The following PARD3 variants were observed in gnomAD, a reference collection of about 807,000 sequenced individuals.
The protein encoded by PARD3 is par-3 family cell polarity regulator.
PARD3 carries 75 observed loss-of-function variants against 155.4 expected under a neutral mutation model. The ratio of observed to expected loss-of-function variants is 0.48; its 90% CI spans 0.40 to 0.58. The LOEUF (loss-of-function observed/expected upper bound fraction) is 0.58. PARD3 is among the 20% of genes least tolerant of loss of function. PARD3 has a pLI of 0.00. For synonymous variants in PARD3, 576 were observed against 610.5 expected (o/e 0.94, Z 0.83); for missense variants, 1,642 against 1,721.7 (o/e 0.95, Z 0.82).
intron 22 of PARD3, among the ~76,000 whole-genome samples, chr10:34,239,533 G>T (rs1953443758): frequency 6.6e-6 from 1 of 152,148 alleles, no homozygotes; most frequent in African/African-American, 2.4e-5. Context: ...CTGGTATGGT[G>T]GCTCATGCCT....
At chr10:34,748,757 G>A (rs1182958571) in intron 1 of PARD3, among the ~76,000 whole-genome samples, 3 of 152,270 alleles carry the variant, frequency 2.0e-5, no homozygotes, top group South Asian at 4.1e-4. Context: ...AGACAGACTT[G>A]AGCACCCGCT....
At chr10:34,505,236 C>T (rs2080983913) in intron 3 of PARD3, among the ~76,000 whole-genome samples, 1 of 152,192 alleles carries the variant, frequency 6.6e-6, no homozygotes, top group Non-Finnish European at 1.5e-5. Context: ...GTGTAAGTAA[C>T]TATTTCTGCT....
At chr10:34,783,604 CAAAAAAA>C (rs35411933) in intron 1 of PARD3, among the ~76,000 whole-genome samples, 6 of 76,270 alleles carry the variant, frequency 7.9e-5, no homozygotes, top group Middle Eastern at 9.4e-3. Context: ...ACTCCGTCTT[CAAAAAAA>C]AAAAAAAAAA....
rs7075598 is a variant in PARD3, at chr10:34,673,739, C to T, written c.222+22579G>A. 7.7e-3 allele frequency among the ~76,000 whole-genome samples: 1,166 copies of T among 152,212 alleles called. 14 individuals carry two copies. The highest frequency in any genetic ancestry group is 0.027 in the African/African-American group (1,126 of 41,512). On this transcript the variant is annotated intron_variant, in intron 2 of 24. Transcript: ENST00000374788. ...TCAAAGTTATTCTCTCTACTACAAACAAGAGACAGAGAAGAAAAGATATCG... is the reference window on the plus strand; with the variant it reads ...TCAAAGTTATTCTCTCTACTACAAATAAGAGACAGAGAAGAAAAGATATCG...
chr10:34,267,510 A>C (rs1305204303), intron 22 of PARD3, among the ~76,000 whole-genome samples: 1 of 152,230 alleles, frequency 6.6e-6, no homozygotes, highest in Non-Finnish European at 1.5e-5. Flanking sequence ...ACCCAACAAA[A>C]GCAAAACAAA....
chr10:34,814,698 G>A (rs1339700816), intron 1 of PARD3, among the ~76,000 whole-genome samples, 178 bp downstream of exon 1: 2 of 151,766 alleles, frequency 1.3e-5, no homozygotes, highest in African/African-American at 4.8e-5. Flanking sequence ...GCCCCGGCCC[G>A]CGCAGAGAAC....
intron 1 of PARD3, among the ~76,000 whole-genome samples, chr10:34,707,046 G>C (rs1021658728): frequency 1.3e-5 from 2 of 152,036 alleles, no homozygotes; most frequent in Non-Finnish European, 2.9e-5. Flanking sequence ...AGGAGTTTGA[G>C]ACCAGCCTGG....
At chr10:34,298,285 A>G (rs1298201641) in intron 20 of PARD3, among the ~76,000 whole-genome samples, 1 of 152,218 alleles carries the variant, frequency 6.6e-6, no homozygotes, top group Non-Finnish European at 1.5e-5. Context: ...GAGAGTTGTG[A>G]CACTGAGGAT....
At chr10:34,372,999 T>G (rs898162369) in intron 11 of PARD3, among the ~76,000 whole-genome samples, 1 of 152,052 alleles carries the variant, frequency 6.6e-6, no homozygotes, top group Non-Finnish European at 1.5e-5. Flanking sequence ...GATTTTTTTT[T>G]CCTATAATGT....
chr10:34,341,375 G>C (rs1044506164), intron 16 of PARD3, among the ~76,000 whole-genome samples: 6 of 152,108 alleles, frequency 3.9e-5, no homozygotes, highest in African/African-American at 1.4e-4. Flanking sequence ...AAAAACAAAT[G>C]AGCACGGTTT....
intron 2 of PARD3, among the ~76,000 whole-genome samples, chr10:34,529,921 G>C (rs1276227049): frequency 6.6e-6 from 1 of 152,062 alleles, no homozygotes; most frequent in Non-Finnish European, 1.5e-5. Context: ...TTTTAGTAGA[G>C]ACGGAGTTTC....
At chr10:34,395,152 C>T (rs1383357147) in intron 7 of PARD3, among the ~76,000 whole-genome samples, 4 of 152,006 alleles carry the variant, frequency 2.6e-5, no homozygotes, top group African/African-American at 7.2e-5. Flanking sequence ...CTTGTGCCTC[C>T]GCCTCCCATG....
intron 2 of PARD3, among the ~76,000 whole-genome samples, chr10:34,680,599 G>A (rs1005462695): frequency 1.3e-5 from 2 of 150,778 alleles, no homozygotes; most frequent in South Asian, 2.1e-4. Context: ...AATGAGAAGC[G>A]GGAGGGGGAA....
intron 3 of PARD3, among the ~76,000 whole-genome samples, chr10:34,479,808 C>G (rs898402647): frequency 1.3e-5 from 2 of 152,128 alleles, no homozygotes; most frequent in African/African-American, 4.8e-5. Context: ...CCCATCAGAT[C>G]TAGTATTTGT....
At chr10:34,481,106 C>A (rs1564761567) in intron 3 of PARD3, among the ~76,000 whole-genome samples, 1 of 152,148 alleles carries the variant, frequency 6.6e-6, no homozygotes, top group Non-Finnish European at 1.5e-5. Context: ...CCAGCCCCTG[C>A]AGGTTTCTAA....
At chr10:34,437,745 T>C (rs963462757) in intron 5 of PARD3, among the ~76,000 whole-genome samples, 1 of 152,204 alleles carries the variant, frequency 6.6e-6, no homozygotes, top group Admixed American at 6.5e-5. Context: ...TATTTAACTA[T>C]GTTATGTTCA....
chr10:34,505,297 AG>A (rs1237444389), intron 3 of PARD3, among the ~76,000 whole-genome samples: 1 of 152,224 alleles, frequency 6.6e-6, no homozygotes, highest in Non-Finnish European at 1.5e-5. Context: ...TCTCATGCAA[AG>A]GTAACAGTAC....
intron 2 of PARD3, among the ~76,000 whole-genome samples, chr10:34,636,036 G>GACGA (rs2092456390): frequency 6.6e-6 from 1 of 150,516 alleles, no homozygotes; most frequent in African/African-American, 2.4e-5. Flanking sequence ...AAAAGAAGAA[G>GACGA]AAGAAAGAAA....
chr10:34,399,243 T>A (rs749016442), intron 7 of PARD3, 87 bp downstream of exon 7: 4 of 858,730 alleles, frequency 4.7e-6, no homozygotes, highest in Non-Finnish European at 8.0e-6. Flanking sequence ...AAGCATATGC[T>A]AAGTCAACAC....
Sources: allele counts gnomAD v4.1 joint callset (sites outside exome capture counted in the v4.1 genomes callset), GRCh38; gene constraint gnomAD v4.1.1; transcripts MANE v1.5; gene names NCBI Gene and HGNC (gene_info 2026-07-23, HGNC 2026-07-21).